RELCH: variants seen among roughly 807,000 people sequenced by gnomAD.
The protein encoded by RELCH is RAB11 binding and LisH domain, coiled-coil and HEAT repeat containing, also known as RAB11-binding protein RELCH.
RELCH carries 41 observed loss-of-function variants against 150.3 expected under a neutral mutation model. The ratio of observed to expected loss-of-function variants is 0.27; its 90% CI spans 0.21 to 0.35. The LOEUF is 0.35. RELCH is among the 10% of genes least tolerant of loss of function. RELCH has a pLI of 1.00. For synonymous variants in RELCH, 478 were observed against 531.8 expected, an observed-to-expected ratio of 0.90 and a Z score of 1.39; for missense variants, 1,092 against 1,467.8, an observed-to-expected ratio of 0.74 and a Z score of 4.18.
At chr18:62,298,406 G>T (rs754723432) in intron 27 of RELCH, among the ~76,000 whole-genome samples, 1 of 152,288 alleles carries the variant, frequency 6.6e-6, no homozygotes, top group East Asian at 1.9e-4. Flanking sequence ...CCTGGAGAAA[G>T]CAAAGGGGCG....
intron 1 of RELCH, among the ~76,000 whole-genome samples, chr18:62,195,346 A>G (rs1421592522): frequency 6.6e-6 from 1 of 151,158 alleles, no homozygotes; most frequent in African/African-American, 2.4e-5. Context: ...GAGCCAGGAT[A>G]GCTTCCATTC....
At chr18:62,252,790 T>C in intron 12 of RELCH, 36 bp downstream of exon 12, 4 of 1,437,590 alleles carry the variant, frequency 2.8e-6, no homozygotes, top group Non-Finnish European at 3.9e-6. Context: ...CTAGCTATTA[T>C]AGCCTGATTT....
intron 12 of RELCH, among the ~76,000 whole-genome samples, chr18:62,254,293 T>C (rs1381168733): frequency 6.6e-6 from 1 of 152,154 alleles, no homozygotes; most frequent in Non-Finnish European, 1.5e-5. Context: ...TTTGTATTTT[T>C]CCGAGTAGTG....
At chr18:62,270,944 T>TA (rs1305962661) in intron 20 of RELCH, among the ~76,000 whole-genome samples, 1 of 151,976 alleles carries the variant, frequency 6.6e-6, no homozygotes, top group Non-Finnish European at 1.5e-5. Flanking sequence ...GGTTTCCAGC[T>TA]GCATCCATGG....
intron 12 of RELCH, 72 bp downstream of exon 12, chr18:62,252,826 T>A (rs577831717): frequency 9.3e-7 from 1 of 1,073,260 alleles, no homozygotes; most frequent in East Asian, 2.4e-5. Context: ...AGTTTCCTTT[T>A]TAAAGGCGTT....
intron 25 of RELCH, among the ~76,000 whole-genome samples, chr18:62,285,245 C>T (rs2044730206): frequency 6.6e-6 from 1 of 152,146 alleles, no homozygotes; most frequent in African/African-American, 2.4e-5. Flanking sequence ...TCAAGTGATT[C>T]TCCTGCCTCA....
intron 1 of RELCH, among the ~76,000 whole-genome samples, chr18:62,198,611 C>G (rs913335678): frequency 6.6e-6 from 1 of 152,164 alleles, no homozygotes; most frequent in Non-Finnish European, 1.5e-5. Flanking sequence ...TAGGCTTTAG[C>G]TCACATTTGT....
intron 27 of RELCH, among the ~76,000 whole-genome samples, chr18:62,297,926 T>C (rs2045489932): frequency 6.6e-6 from 1 of 152,202 alleles, no homozygotes; most frequent in African/African-American, 2.4e-5. Context: ...AATTGTACCG[T>C]TCTCCACTTT....
intron 1 of RELCH, among the ~76,000 whole-genome samples, chr18:62,204,590 C>T (rs1259860985): frequency 1.3e-5 from 2 of 152,058 alleles, no homozygotes; most frequent in African/African-American, 2.4e-5. Flanking sequence ...CCTCCCAAAG[C>T]GCTCTGATGA....
chr18:62,258,983 T>C (rs2043127313), intron 15 of RELCH, among the ~76,000 whole-genome samples: 1 of 152,040 alleles, frequency 6.6e-6, no homozygotes, highest in African/African-American at 2.4e-5. Context: ...TTAAATATTT[T>C]ACACAAACCA....
At chr18:62,296,380 A>T (rs1934474390) in intron 27 of RELCH, among the ~76,000 whole-genome samples, 1 of 152,110 alleles carries the variant, frequency 6.6e-6, no homozygotes, top group Admixed American at 6.5e-5. Context: ...TGAGGTCAGG[A>T]GTTCGAGACC....
chr18:62,191,496 T>C (rs978661610), intron 1 of RELCH, among the ~76,000 whole-genome samples: 1 of 152,210 alleles, frequency 6.6e-6, no homozygotes, highest in African/African-American at 2.4e-5. Flanking sequence ...ACATGTGTCA[T>C]GGTGGTTTTC....
intron 10 of RELCH, among the ~76,000 whole-genome samples, chr18:62,240,931 A>G (rs1041362069): frequency 6.6e-6 from 1 of 152,080 alleles, no homozygotes; most frequent in Admixed American, 6.6e-5. Flanking sequence ...GACTGAGGGA[A>G]AGCAAAAAAA....
At chr18:62,267,406 AAT>A (rs1414965985) in intron 19 of RELCH, among the ~76,000 whole-genome samples, 1 of 149,942 alleles carries the variant, frequency 6.7e-6, no homozygotes. Context: ...CTATATATAG[AAT>A]ATATATATAG....
At chr18:62,287,217 T>G in intron 25 of RELCH, 134 bp from the exon 26 acceptor site, 1 of 608,564 alleles carries the variant, frequency 1.6e-6, no homozygotes, top group Non-Finnish European at 2.9e-6. Flanking sequence ...GTATAAGATA[T>G]GGGTAATCTT....
intron 10 of RELCH, among the ~76,000 whole-genome samples, chr18:62,233,405 T>C (rs1199289261): frequency 6.6e-6 from 1 of 151,946 alleles, no homozygotes; most frequent in Non-Finnish European, 1.5e-5. Context: ...GCAAAACCCA[T>C]TTAAAGCTTA....
At chr18:62,242,129 G>T (rs1368352742) in intron 10 of RELCH, among the ~76,000 whole-genome samples, 2 of 152,138 alleles carry the variant, frequency 1.3e-5, no homozygotes, top group Non-Finnish European at 2.9e-5. Flanking sequence ...ACTCTGAGTT[G>T]TAACTGCCAT....
intron 22 of RELCH, 172 bp downstream of exon 22, chr18:62,275,645 G>T: frequency 4.6e-6 from 2 of 436,342 alleles, no homozygotes; most frequent in South Asian, 4.7e-5. Context: ...CAGAAATTTA[G>T]CTTTAACATA....
At chr18:62,235,968 G>A (rs574533518) in intron 10 of RELCH, among the ~76,000 whole-genome samples, 5 of 151,754 alleles carry the variant, frequency 3.3e-5, no homozygotes, top group Admixed American at 1.3e-4. Context: ...TAATTGCTCT[G>A]GCTAGGATTT....
Sources: gnomAD v4.1 joint callset for allele counts (sites outside exome capture counted in the v4.1 genomes callset) on GRCh38, gnomAD v4.1.1 for gene constraint, MANE v1.5 for transcripts, NCBI Gene and HGNC (gene_info 2026-07-23, HGNC 2026-07-21) for gene names.